The following PPME1 variants were observed in gnomAD, a reference collection of about 807,000 sequenced individuals.
PPME1 encodes testicular secretory protein Li 39.
Under a neutral mutation model 56.9 loss-of-function variants are expected in PPME1, and 17 were observed. The ratio of observed to expected loss-of-function variants is 0.30; its 90% confidence interval spans 0.20 to 0.45. The LOEUF is 0.45. Ranked by LOEUF, PPME1 falls within the 20% of genes least tolerant of loss-of-function variation. The pLI, the probability that PPME1 is intolerant of heterozygous loss-of-function variation, is 1.00. For missense variants in PPME1, 357 were observed against 483.2 expected (o/e 0.74, Z 2.45); for synonymous variants, 122 against 156.2 (o/e 0.78, Z 1.63).
chr11:74,201,457 T>C (rs1024848610), intron 1 of PPME1, among the ~76,000 whole-genome samples: 1 of 152,190 alleles, frequency 6.6e-6, no homozygotes, highest in Non-Finnish European at 1.5e-5. Context: ...CCTCTAATAA[T>C]GTGCACTTAA....
intron 1 of PPME1, 33 bp downstream of exon 1, chr11:74,171,555 C>G (rs1244975973): frequency 6.4e-7 from 1 of 1,573,470 alleles, no homozygotes; most frequent in East Asian, 2.3e-5. Context: ...CCCTATGGGC[C>G]AGGCCCCAGC....
At chr11:74,236,943 C>T (rs1859204953) in intron 8 of PPME1, among the ~76,000 whole-genome samples, 1 of 152,122 alleles carries the variant, frequency 6.6e-6, no homozygotes, top group Admixed American at 6.5e-5. Flanking sequence ...TAATTTTTTA[C>T]AATTAAAGTC....
intron 3 of PPME1, chr11:74,206,011 AATT>A (rs534146050): frequency 6.6e-5 from 10 of 152,324 alleles, no homozygotes; most frequent in East Asian, 1.9e-4. Flanking sequence ...TCAATATAAA[AATT>A]ATTATTGAGA....
chr11:74,253,648 T>C lies in PPME1; in HGVS notation c.*138T>C. 2 of 910,490 alleles carry C rather than the reference T, an allele frequency of 2.2e-6. No individual in the cohort carries two copies. Among genetic ancestry groups the C allele is most frequent in the African/African-American group, 1.6e-5 (1 of 60,906 alleles). 56.4% of individuals were successfully genotyped at this position (910,490 alleles called of 1,614,324 possible). The stretch of plus-strand genomic sequence containing the variant: ...CTCCCGGTAGACGGGCACCCCGAGA[T>C]GTACCAACCTTTTCATGTATTCTGC... On this transcript the variant is annotated 3_prime_UTR_variant, in exon 14 of 14. Transcript: ENST00000328257.
chr11:74,236,109 T>C (rs1859183541), intron 8 of PPME1, 143 bp downstream of exon 8: 4 of 1,335,828 alleles, frequency 3.0e-6, no homozygotes, highest in Non-Finnish European at 4.0e-6. Context: ...GTGAGTTCAG[T>C]TGGGACAGAC....
chr11:74,176,002 G>A (rs1857392697), intron 1 of PPME1, among the ~76,000 whole-genome samples: 1 of 152,156 alleles, frequency 6.6e-6, no homozygotes, highest in Non-Finnish European at 1.5e-5. Context: ...CATTGGTCGA[G>A]TCATTTAACT....
intron 1 of PPME1, among the ~76,000 whole-genome samples, chr11:74,173,691 A>G (rs1318540255): frequency 2.6e-5 from 4 of 152,074 alleles, no homozygotes; most frequent in Non-Finnish European, 5.9e-5. Flanking sequence ...ACAGGCATGC[A>G]CCACCACGCC....
chr11:74,209,639 A>G (rs1858421554), intron 3 of PPME1, among the ~76,000 whole-genome samples: 1 of 152,210 alleles, frequency 6.6e-6, no homozygotes, highest in Non-Finnish European at 1.5e-5. Flanking sequence ...ACTAGTATAG[A>G]TGATTGATTG....
chr11:74,228,480 A>T (rs1182696697), intron 5 of PPME1, among the ~76,000 whole-genome samples: 2 of 152,114 alleles, frequency 1.3e-5, no homozygotes, highest in Non-Finnish European at 2.9e-5. Flanking sequence ...CAATTTTTTG[A>T]ATTTTTGCAA....
rs185758963 is a variant in PPME1, at chr11:74,229,806, C to T, written c.399-439C>T. ...TCACATAGTGAAAAATAAACTGAGG[C>T]TAGGGCTCATCTTGTGATTCTGAGG... is the stretch of plus-strand genomic sequence containing the variant. On this transcript the variant is annotated intron_variant, in intron 5 of 13. Transcript: ENST00000328257. 5.9e-5 allele frequency among the ~76,000 whole-genome samples: 9 copies of T among 152,220 alleles called. No individual in the cohort carries two copies. The East Asian group carries it at 1.4e-3, about 23-fold the overall frequency.
intron 8 of PPME1, 189 bp from the exon 9 acceptor site, chr11:74,238,944 C>T (rs570282681): frequency 1.8e-6 from 1 of 554,914 alleles, no homozygotes; most frequent in East Asian, 3.1e-5. Flanking sequence ...GAAACCAGCC[C>T]TTGGAGAATA....
At chr11:74,203,449 A>T (rs952184624) in intron 1 of PPME1, among the ~76,000 whole-genome samples, 9 of 152,328 alleles carry the variant, frequency 5.9e-5, no homozygotes, top group Admixed American at 5.2e-4. Flanking sequence ...TGATTAAAAT[A>T]TACTAATGAA....
At chr11:74,183,557 A>G (rs921346633) in intron 1 of PPME1, among the ~76,000 whole-genome samples, 2 of 152,152 alleles carry the variant, frequency 1.3e-5, no homozygotes, top group African/African-American at 2.4e-5. Context: ...GGATCTATAT[A>G]AGTGTAAAAG....
chr11:74,217,795 A>G (rs1858694970), intron 3 of PPME1, among the ~76,000 whole-genome samples: 2 of 152,122 alleles, frequency 1.3e-5, no homozygotes, highest in Non-Finnish European at 2.9e-5. Context: ...TAAAAGCCAT[A>G]TACAATAGAC....
intron 1 of PPME1, among the ~76,000 whole-genome samples, chr11:74,203,170 T>G (rs1394931259): frequency 6.6e-6 from 1 of 152,192 alleles, no homozygotes; most frequent in Non-Finnish European, 1.5e-5. Flanking sequence ...TGAGCAATTC[T>G]TCAGATAAAT....
rs146625389 is a variant in PPME1 at position 74,183,883 on chromosome 11, G to A, written c.101+12361G>A. ...ATAAACATTTGTTGAGTGAATGAAT[G>A]ACACTCAGATGCAATGGAAACATCA... On this transcript the variant is annotated intron_variant, in intron 1 of 13. Coordinates refer to ENST00000328257, the MANE Select transcript of PPME1 (RefSeq NM_016147.3). Among the ~76,000 whole-genome samples, 846 of 152,280 alleles carry A rather than the reference G, an allele frequency of 5.6e-3. 4 individuals carry two copies. Among genetic ancestry groups the A allele is most frequent in the Middle Eastern group, 0.01 (3 of 294 alleles).
intron 11 of PPME1, chr11:74,250,419 T>G (rs2135683629): frequency 6.5e-6 from 1 of 153,834 alleles, no homozygotes; most frequent in African/African-American, 2.4e-5. Flanking sequence ...TTTTGAATCC[T>G]TAACATAGCT....
At chr11:74,245,497 AT>A (rs1241986736) in intron 9 of PPME1, among the ~76,000 whole-genome samples, 2 of 152,116 alleles carry the variant, frequency 1.3e-5, no homozygotes, top group Non-Finnish European at 2.9e-5. Flanking sequence ...AAATGTTGAC[AT>A]TTTGTCATAT....
At chr11:74,203,656 G>A in intron 1 of PPME1, 72 bp from the exon 2 acceptor site, 1 of 1,099,460 alleles carries the variant, frequency 9.1e-7, no homozygotes, top group South Asian at 1.4e-5. Context: ...CTTACATTTA[G>A]CATTTATTGA....
Sources: allele counts gnomAD v4.1 joint callset (sites outside exome capture counted in the v4.1 genomes callset), GRCh38; gene constraint gnomAD v4.1.1; transcripts MANE v1.5; gene names NCBI Gene and HGNC (gene_info 2026-07-23, HGNC 2026-07-21).